Variants in CROCC observed in about 807,000 individuals in gnomAD.
The protein encoded by CROCC is rootletin.
Under a neutral mutation model 245.2 loss-of-function variants are expected in CROCC, and 180 were observed. That is an observed-to-expected ratio of 0.73 (90% CI 0.65 to 0.83). The LOEUF (loss-of-function observed/expected upper bound fraction) is 0.83, where lower values mean the gene tolerates loss of function less well. Among genes scored for constraint, CROCC ranks in the 40% least tolerant of loss-of-function variants. The pLI, the probability that CROCC is intolerant of heterozygous loss-of-function variation, is 0.00. For missense variants in CROCC, 2,688 were observed against 2,779.4 expected (o/e 0.97, Z 0.74); for synonymous variants, 1,205 against 1,241.6 (o/e 0.97, Z 0.62).
rs369951201 is a variant in CROCC at position 16,941,019 on chromosome 1, C to T, written c.1808+926C>T. The T allele has an allele frequency of 3.1e-4, 88 of 280,764 alleles. No individual in the cohort carries two copies. The East Asian group carries it at 7.1e-3, about 23-fold the overall frequency. The allele number at this position is 280,764 out of a possible 1,614,324, so 17.4% of individuals were successfully genotyped here. A position where few individuals can be genotyped will look rare whatever the true frequency, so the allele number is the denominator to read the frequency against. On this transcript the variant is annotated intron_variant, in intron 13 of 36. Transcript: ENST00000375541. ...TCAGCCTCGAGGATAGTAGACAAGC[C>T]GCCAACATTTCTAAATTTTTTGTAG...
intron 17 of CROCC, among the ~76,000 whole-genome samples, chr1:16,947,413 G>A (rs1310759103): frequency 6.6e-6 from 1 of 152,152 alleles, no homozygotes; most frequent in African/African-American, 2.4e-5. Flanking sequence ...AGGTTGCAGT[G>A]AGCCAAGATC....
At chr1:16,955,005 C>T (rs1486090449) in intron 23 of CROCC, 128 bp downstream of exon 23, 2 of 1,237,924 alleles carry the variant, frequency 1.6e-6, no homozygotes, top group East Asian at 5.1e-5. Flanking sequence ...TGAATAGCAA[C>T]TTAGAAAGGA....
At position 16,961,087 on chromosome 1, in the gene CROCC, G is replaced by A. The variant is rs2100527162; in HGVS notation, c.4362G>A (p.Pro1454=). Residue 1454 remains proline (P), a synonymous_variant, in exon 27 of 37, where the codon CCG becomes CCA. Transcript: ENST00000375541. ...LGLGRAPSPA[P]RPVPGSPARD... is the part of the protein sequence containing the mutation. The stretch of plus-strand genomic sequence containing the variant: ...TCGGTCGCGCGCCCAGCCCAGCCCC[G>A]CGGCCAGTGCCCGGTTCCCCTGCCC... 2 of 1,362,022 alleles carry A rather than the reference G, an allele frequency of 1.5e-6. No homozygotes were observed. Among genetic ancestry groups the A allele is most frequent in the South Asian group, 1.7e-5 (1 of 58,558 alleles). The allele number at this position is 1,362,022 out of a possible 1,614,324, so 84.4% of individuals were successfully genotyped here.
chr1:16,954,851 A>G lies in CROCC; in HGVS notation c.3439A>G (p.Lys1147Glu). Residue 1147 changes from lysine to glutamate, a missense_variant, in exon 23 of 37, where the codon AAG becomes GAG. Coordinates refer to ENST00000375541, the MANE Select transcript of CROCC (RefSeq NM_014675.5). This position sits in a 1 kb window ranked among gnomAD's most constrained non-coding sequence, Gnocchi z 4.4. ...RLQEQARDLG[K>E]QRDSCLREAE... is the part of the protein sequence containing the mutation. ...GCAAGAGCAGGCCCGAGACCTGGGC[A>G]AGCAGCGGGACTCCTGTCTTCGCGA... The G allele has an allele frequency of 6.5e-7, 1 of 1,542,294 alleles. No individual in the cohort carries two copies.
Position 16,969,101 on chromosome 1 carries a change from C to T in CROCC, c.5077-15C>T. ...ATGGGAACAGCCCCGATTGTTCTGG[C>T]TGTCCTCCTGCCAGGTGGCCGACAG... On this transcript the variant is annotated splice_polypyrimidine_tract_variant and intron_variant, in intron 31 of 36. Coordinates refer to ENST00000375541, the MANE Select transcript of CROCC (RefSeq NM_014675.5). The T allele has an allele frequency of 6.3e-7, 1 of 1,585,024 alleles. No individual in the cohort carries two copies. The highest frequency in any genetic ancestry group is 8.6e-7 in the Non-Finnish European group (1 of 1,166,084).
Position 16,969,128 on chromosome 1 carries a change from G to A in CROCC, c.5089G>A (p.Glu1697Lys), listed in dbSNP as rs531980744. Residue 1697 changes from glutamate to lysine, a missense_variant, in exon 32 of 37, where the codon GAG becomes AAG. Around this residue, in one of 9 missense-constraint regions of CROCC, gnomAD observed 1,218 missense variants for 1,286.3 expected, o/e 0.95. Coordinates refer to ENST00000375541, the MANE Select transcript of CROCC (RefSeq NM_014675.5). ...DSLQRQVADS[E>K]VKAGTLQLTV... ...GTCCTCCTGCCAGGTGGCCGACAGCGAGGTGAAGGCAGGGACCCTGCAGCT... is the reference window on the plus strand; with the variant it reads ...GTCCTCCTGCCAGGTGGCCGACAGCAAGGTGAAGGCAGGGACCCTGCAGCT... 12 of 1,603,218 alleles carry A rather than the reference G, an allele frequency of 7.5e-6. No individual in the cohort carries two copies. The Middle Eastern group carries it at 5.0e-4, about 66-fold the overall frequency.
At chr1:16,941,237 C>T (rs11203458) in intron 13 of CROCC, 23,407 of 148,820 alleles carry the variant, frequency 0.16, no homozygotes, top group East Asian at 0.4. Flanking sequence ...GCTTGCTGGC[C>T]AACATGGTGA....
chr1:16,927,007 C>T (rs1384591341), intron 3 of CROCC, among the ~76,000 whole-genome samples: 1 of 152,248 alleles, frequency 6.6e-6, no homozygotes, highest in Non-Finnish European at 1.5e-5. Context: ...GGGAGGAGAA[C>T]CCAGCAACGG....
In CROCC at chr1:16,951,044, T is replaced by C. The variant is rs777940621; in HGVS notation, c.2928T>C (p.Ala976=). 7.3e-5 allele frequency: 117 copies of C among 1,607,520 alleles called. 1 individual carries two copies. In the Middle Eastern group the frequency reaches 1.6e-3, roughly 22 times the overall value. ...KELMAQKLVQ[A]EREAQASLRE... is the part of the protein sequence containing the mutation. ...TGATGGCCCAGAAGCTGGTGCAGGC[T>C]GAGCGGGAGGCCCAGGCCTCTCTGC... The change falls in exon 20 of 37, where the codon GCT becomes GCC. Residue 976 remains alanine, a synonymous_variant. Coordinates refer to ENST00000375541, the MANE Select transcript of CROCC (RefSeq NM_014675.5).
chr1:16,972,565 G>T lies in CROCC; in HGVS notation c.*119G>T. On this transcript the variant is annotated 3_prime_UTR_variant, in exon 37 of 37. Coordinates refer to ENST00000375541, the MANE Select transcript of CROCC (RefSeq NM_014675.5). ...GGGCCTCAAGCTGGGGTGGGATGAG[G>T]AGGCGCTCTGCTGGCAGTGCTGAGG... is the stretch of plus-strand genomic sequence containing the variant. The T allele has an allele frequency of 1.5e-6, 1 of 649,688 alleles. No individual in the cohort carries two copies. 40.2% of individuals were successfully genotyped at this position (649,688 alleles called of 1,614,324 possible).
chr1:16,937,348 G>A (rs1472663903), intron 9 of CROCC, among the ~76,000 whole-genome samples: 7 of 143,544 alleles, frequency 4.9e-5, no homozygotes, highest in Middle Eastern at 3.6e-3. Context: ...GCGAAACTCC[G>A]TCTCAAAAAA....
At position 16,939,063 on chromosome 1, in the gene CROCC, GC is replaced by G; in HGVS notation, c.1533del (p.Ser512ProfsTer12). 1 of 1,587,540 alleles carries G rather than the reference GC, an allele frequency of 6.3e-7. No homozygotes were observed. On this transcript the variant is annotated frameshift_variant, in exon 12 of 37. Transcript: ENST00000375541. LOFTEE classifies it high-confidence loss of function. The part of the protein sequence containing the change: ...SPGRGRSPRR[G>X]PSPACSDSST... ...GGCCGAGGCCGTTCACCCCGCCGAG[GC>G]CCCTCCCCGGCCTGCTCAGACTCCT...
Position 16,965,871 on chromosome 1 carries a change from G to T in CROCC, c.4554G>T (p.Leu1518=), listed in dbSNP as rs1317509148. ...RGALREFLQE[L]RSAQRERDEL... ...CCCTCCGGGAATTCCTGCAAGAGCT[G>T]CGGAGTGCCCAGAGAGAACGGGTAA... The change falls in exon 28 of 37, where the codon CTG becomes CTT. Residue 1518 remains leucine, a synonymous_variant. Coordinates refer to ENST00000375541, the MANE Select transcript of CROCC (RefSeq NM_014675.5). 1.2e-5 allele frequency: 20 copies of T among 1,613,440 alleles called. No homozygotes were observed. The highest frequency in any genetic ancestry group is 1.7e-5 in the Non-Finnish European group (20 of 1,179,988).
chr1:16,965,647 C>G, intron 27 of CROCC, 76 bp from the exon 28 acceptor site: 2 of 1,071,492 alleles, frequency 1.9e-6, no homozygotes, highest in South Asian at 1.4e-5. Context: ...TTGGGAAAGG[C>G]AGGGATGACA....
chr1:16,937,275 C>A (rs113670137), intron 9 of CROCC, among the ~76,000 whole-genome samples: 24,549 of 147,162 alleles, frequency 0.17, no homozygotes, highest in East Asian at 0.4. Context: ...ATCGCTTGAA[C>A]CCAGGATGTG....
In CROCC at chr1:16,922,601, C is replaced by A. The variant is rs185662669; in HGVS notation, c.61-62C>A. On this transcript the variant is annotated intron_variant, in intron 1 of 36. Transcript: ENST00000375541. ...TGGGCAGTAGGATTCTGTGGCTCTC[C>A]CCACGAGGCCAGGGAGCCCCGGGTC... 3.4e-5 allele frequency: 52 copies of A among 1,532,996 alleles called. No individual in the cohort carries two copies. The African/African-American group carries it at 6.2e-4, about 18-fold the overall frequency. The allele number at this position is 1,532,996 out of a possible 1,614,324, so 95.0% of individuals were successfully genotyped here.
chr1:16,962,534 C>CAAAA (rs1197806001), intron 27 of CROCC, among the ~76,000 whole-genome samples: 1 of 21,882 alleles, frequency 4.6e-5, no homozygotes, highest in Non-Finnish European at 8.1e-5. Flanking sequence ...GACTCCGTCT[C>CAAAA]AAAAAAAAAA....
At chr1:16,914,203 C>T (rs866020016) in intron 1 of CROCC, among the ~76,000 whole-genome samples, 91 of 151,908 alleles carry the variant, frequency 6.0e-4, no homozygotes, top group African/African-American at 2.0e-3. Context: ...GAGGAGGCCG[C>T]GCGCCTGGGG....
rs1198312546 is a variant in CROCC at position 16,966,891 on chromosome 1, C to T, written c.4860+320C>T. 2.0e-5 allele frequency among the ~76,000 whole-genome samples: 3 copies of T among 152,166 alleles called. No individual in the cohort carries two copies. Among genetic ancestry groups the T allele is most frequent in the African/African-American group, 4.8e-5 (2 of 41,514 alleles). ...CCTGGGCAACATGGTGAAACCCCGTCTCTATGAAAAATACTTAGCTGGGCA... is the reference window on the plus strand; with the variant it reads ...CCTGGGCAACATGGTGAAACCCCGTTTCTATGAAAAATACTTAGCTGGGCA... On this transcript the variant is annotated intron_variant, in intron 30 of 36. Transcript: ENST00000375541. The surrounding 1 kb of genome is among the most constrained non-coding windows in gnomAD (Gnocchi z 4.8).
Sources: allele counts gnomAD v4.1 joint callset (sites outside exome capture counted in the v4.1 genomes callset), GRCh38; gene constraint gnomAD v4.1.1; regional missense constraint gnomAD v4.1.1; non-coding constraint Gnocchi (gnomAD v3.1); transcripts MANE v1.5; gene names NCBI Gene and HGNC (gene_info 2026-07-23, HGNC 2026-07-21).